Variants in PTPRD observed in about 807,000 individuals in gnomAD.
PTPRD encodes the protein receptor-type tyrosine-protein phosphatase delta.
PTPRD carries 34 observed loss-of-function variants against 214.5 expected under a neutral mutation model. The ratio of observed to expected loss-of-function variants is 0.16; its 90% CI spans 0.12 to 0.21. The LOEUF (loss-of-function observed/expected upper bound fraction) is 0.21. Ranked by LOEUF, PTPRD falls within the 10% of genes least tolerant of loss-of-function variation. The pLI, the probability that PTPRD is intolerant of heterozygous loss-of-function variation, is 1.00. For missense variants in PTPRD, 2,545 were observed against 2,398.7 expected (o/e 1.06, Z -1.27); for synonymous variants, 1,128 against 845.7 (o/e 1.33, Z -5.79).
chr9:8,700,347 T>A (rs908628061), intron 12 of PTPRD, among the ~76,000 whole-genome samples: 1 of 152,210 alleles, frequency 6.6e-6, no homozygotes, highest in African/African-American at 2.4e-5. Flanking sequence ...AAACAGCTTT[T>A]CCATTTCAGA....
intron 3 of PTPRD, among the ~76,000 whole-genome samples, chr9:10,051,242 G>T (rs989051243): frequency 3.3e-5 from 5 of 151,922 alleles, no homozygotes; most frequent in African/African-American, 1.2e-4. Flanking sequence ...GAGTTGTTTC[G>T]GGAAAACATG....
At chr9:8,353,454 G>T (rs990229638) in intron 39 of PTPRD, among the ~76,000 whole-genome samples, 1 of 152,014 alleles carries the variant, frequency 6.6e-6, no homozygotes, top group East Asian at 1.9e-4. Context: ...GAATGAGATG[G>T]AGTCTCACTC....
intron 11 of PTPRD, among the ~76,000 whole-genome samples, chr9:8,792,563 T>A (rs183070451): frequency 3.3e-5 from 5 of 152,310 alleles, no homozygotes; most frequent in Admixed American, 3.3e-4. Context: ...GACTACTGAC[T>A]TAAATTCATT....
intron 3 of PTPRD, among the ~76,000 whole-genome samples, chr9:10,052,947 TATTTCAA>T (rs753063210): frequency 2.0e-4 from 30 of 152,180 alleles, no homozygotes; most frequent in Non-Finnish European, 3.5e-4. Flanking sequence ...TTTTATATTA[TATTTCAA>T]TAATTCTTTA....
At chr9:8,916,053 A>G (rs2098783663) in intron 11 of PTPRD, among the ~76,000 whole-genome samples, 1 of 152,170 alleles carries the variant, frequency 6.6e-6, no homozygotes, top group South Asian at 2.1e-4. Flanking sequence ...ACACTAAGGA[A>G]GCCCAAGGTT....
At chr9:9,015,785 T>A (rs960104558) in intron 11 of PTPRD, among the ~76,000 whole-genome samples, 7 of 152,168 alleles carry the variant, frequency 4.6e-5, no homozygotes, top group Non-Finnish European at 8.8e-5. Context: ...TCAAAAGGAC[T>A]GTTCAATGTA....
At chr9:10,297,044 G>C (rs2095696042) in intron 3 of PTPRD, among the ~76,000 whole-genome samples, 1 of 149,858 alleles carries the variant, frequency 6.7e-6, no homozygotes, top group Admixed American at 6.7e-5. Flanking sequence ...ACACAGTATG[G>C]TAAATCTGAG....
intron 11 of PTPRD, among the ~76,000 whole-genome samples, chr9:8,875,348 C>A (rs2098376243): frequency 6.7e-6 from 1 of 149,404 alleles, no homozygotes; most frequent in Non-Finnish European, 1.5e-5. Context: ...CAGAATGAGA[C>A]TGATCTCTAC....
At chr9:10,513,016 T>C (rs931471404) in intron 2 of PTPRD, among the ~76,000 whole-genome samples, 19 of 152,044 alleles carry the variant, frequency 1.2e-4, no homozygotes, top group Admixed American at 1.2e-3. Flanking sequence ...ATGAACAGAA[T>C]TGTACTGATT....
intron 3 of PTPRD, among the ~76,000 whole-genome samples, chr9:10,090,137 T>G (rs1276046693): frequency 6.6e-6 from 1 of 151,638 alleles, no homozygotes; most frequent in Non-Finnish European, 1.5e-5. Context: ...AGCAGGAATT[T>G]CCATCCCAGT....
chr9:8,557,779 TACACAC>T (rs373363751), intron 14 of PTPRD, among the ~76,000 whole-genome samples: 2,242 of 103,862 alleles, frequency 0.022, 27 homozygotes, highest in Middle Eastern at 0.051. Context: ...AAAAACAAAA[TACACAC>T]ACACACACAC....
chr9:9,830,861 T>C (rs2054591217), intron 5 of PTPRD, among the ~76,000 whole-genome samples: 1 of 151,930 alleles, frequency 6.6e-6, no homozygotes, highest in Non-Finnish European at 1.5e-5. Context: ...ATATTCCTTT[T>C]CTACTTAATT....
intron 7 of PTPRD, among the ~76,000 whole-genome samples, chr9:9,575,061 G>C (rs1167374336): frequency 7.4e-6 from 1 of 135,270 alleles, no homozygotes; most frequent in East Asian, 2.0e-4. Flanking sequence ...ATAGCTGATG[G>C]ATAACATTTG....
At chr9:10,375,428 C>T (rs142093055) in intron 2 of PTPRD, among the ~76,000 whole-genome samples, 178 of 152,064 alleles carry the variant, frequency 1.2e-3, no homozygotes, top group African/African-American at 3.5e-3. Context: ...AATTTAATAA[C>T]CATGAGACTA....
intron 3 of PTPRD, among the ~76,000 whole-genome samples, chr9:10,075,838 C>A (rs1007822317): frequency 6.6e-6 from 1 of 152,054 alleles, no homozygotes; most frequent in Non-Finnish European, 1.5e-5. Flanking sequence ...CTTTTCATTT[C>A]TAGAAGCATC....
chr9:9,813,493 T>C (rs2047805433), intron 5 of PTPRD, among the ~76,000 whole-genome samples: 1 of 151,962 alleles, frequency 6.6e-6, no homozygotes, highest in Non-Finnish European at 1.5e-5. Context: ...TTATTAACAA[T>C]ACACCAATAA....
chr9:9,052,289 G>C (rs986294960), intron 10 of PTPRD, among the ~76,000 whole-genome samples: 1 of 152,004 alleles, frequency 6.6e-6, no homozygotes, highest in African/African-American at 2.4e-5. Flanking sequence ...CAACATCTTG[G>C]GTGTTGGAAT....
intron 8 of PTPRD, among the ~76,000 whole-genome samples, chr9:9,423,292 T>C (rs532554508): frequency 2.6e-5 from 4 of 152,238 alleles, no homozygotes; most frequent in Non-Finnish European, 5.9e-5. Flanking sequence ...TTAGTATCCT[T>C]ATAATCACAG....
chr9:9,104,374 A>G lies in PTPRD; in HGVS notation c.-143+78930T>C, dbSNP rs111854669. Among the ~76,000 whole-genome samples the G allele has an allele frequency of 8.2e-3, 1,244 of 152,338 alleles. 15 individuals are homozygous for G. Among genetic ancestry groups the G allele is most frequent in the African/African-American group, 0.028 (1,165 of 41,574 alleles). ...TAGAATATGGGCTCTATAAAAACAG[A>G]TAAGGTAAGTAGACAGGAAGATGGC... is the stretch of plus-strand genomic sequence containing the variant. On this transcript the variant is annotated intron_variant, in intron 10 of 45. Coordinates refer to ENST00000381196, the MANE Select transcript of PTPRD (RefSeq NM_002839.4).
Sources: gnomAD v4.1 joint callset for allele counts (sites outside exome capture counted in the v4.1 genomes callset) on GRCh38, gnomAD v4.1.1 for gene constraint, MANE v1.5 for transcripts, NCBI Gene and HGNC (gene_info 2026-07-23, HGNC 2026-07-21) for gene names.